The following THRB variants were observed in gnomAD, a reference collection of about 807,000 sequenced individuals.
THRB encodes the protein nuclear receptor subfamily 1 group A member 2.
Under a neutral mutation model 47.8 loss-of-function variants are expected in THRB, and 12 were observed. The observed-to-expected ratio is 0.25, with a 90% CI of 0.16 to 0.41. THRB has a LOEUF of 0.41. Ranked by LOEUF, THRB falls within the 10% of genes least tolerant of loss-of-function variation. The pLI is 1.00. For missense variants in THRB, 348 were observed against 589.2 expected (o/e 0.59, Z 4.24); for synonymous variants, 218 against 212.2 (o/e 1.03, Z -0.24).
chr3:24,142,467 G>T (rs2035578349), intron 8 of THRB, among the ~76,000 whole-genome samples: 1 of 152,166 alleles, frequency 6.6e-6, no homozygotes, highest in South Asian at 2.1e-4. Context: ...GTTGTTTTAA[G>T]AAAAAGATCC....
chr3:24,435,522 T>C lies in THRB; in HGVS notation c.-261+59130A>G, dbSNP rs534235598. ...CCCCCCAGGGCCCTGAGCATCCCCA[T>C]GTGGAGGTGAACACTTCCCCTCTCC... On this transcript the variant is annotated intron_variant, in intron 1 of 10. Coordinates refer to ENST00000646209, the MANE Select transcript of THRB (RefSeq NM_001354712.2). 6.1e-4 allele frequency among the ~76,000 whole-genome samples: 93 copies of C among 152,234 alleles called. 1 individual carries two copies. The highest frequency in any genetic ancestry group is 1.1e-3 in the Non-Finnish European group (78 of 68,008).
chr3:24,481,643 G>A (rs915525275), intron 1 of THRB, among the ~76,000 whole-genome samples: 2 of 152,078 alleles, frequency 1.3e-5, no homozygotes, highest in Middle Eastern at 3.2e-3. Flanking sequence ...GTGGACAAAG[G>A]GGTGAGGGAA....
chr3:24,318,600 G>A (rs1400237316), intron 2 of THRB: 1 of 152,204 alleles, frequency 6.6e-6, no homozygotes, highest in Non-Finnish European at 1.5e-5. Flanking sequence ...AAAAAAGAGG[G>A]GGACTGTGTC....
chr3:24,338,695 C>T (rs1295965416), intron 1 of THRB, among the ~76,000 whole-genome samples: 1 of 152,176 alleles, frequency 6.6e-6, no homozygotes, highest in Admixed American at 6.5e-5. Flanking sequence ...GAAGAAGCTG[C>T]CCTGTCTTGT....
chr3:24,434,836 G>A (rs1054015342), intron 1 of THRB, among the ~76,000 whole-genome samples: 1 of 152,172 alleles, frequency 6.6e-6, no homozygotes, highest in Admixed American at 6.6e-5. Context: ...GTCATGGGGA[G>A]GAAATAGACA....
chr3:24,346,543 C>G (rs1474164960), intron 1 of THRB, among the ~76,000 whole-genome samples: 1 of 151,706 alleles, frequency 6.6e-6, no homozygotes, highest in East Asian at 1.9e-4. Context: ...TTTTTTAAAT[C>G]CCAGTTAAAT....
intron 3 of THRB, among the ~76,000 whole-genome samples, chr3:24,269,277 C>CCACACACACACACACACA (rs4024153): frequency 2.1e-5 from 3 of 140,686 alleles, no homozygotes; most frequent in African/African-American, 8.1e-5. Flanking sequence ...AATGGATACA[C>CCACACACACACACACACA]CACACACACA....
intron 3 of THRB, among the ~76,000 whole-genome samples, chr3:24,288,474 C>T (rs1470117867): frequency 6.6e-6 from 1 of 152,138 alleles, no homozygotes; most frequent in African/African-American, 2.4e-5. Context: ...TATGTGACTG[C>T]TCTTTTTTTT....
At chr3:24,231,311 A>G (rs557780380) in intron 3 of THRB, among the ~76,000 whole-genome samples, 18 of 152,252 alleles carry the variant, frequency 1.2e-4, no homozygotes, top group Non-Finnish European at 2.1e-4. Context: ...AAATATCTTC[A>G]TTTTCAAAAT....
At chr3:24,200,156 A>G (rs2044422859) in intron 4 of THRB, among the ~76,000 whole-genome samples, 1 of 152,340 alleles carries the variant, frequency 6.6e-6, no homozygotes, top group Non-Finnish European at 1.5e-5. Context: ...CCACAAATGC[A>G]CATAAAAGGG....
intron 2 of THRB, among the ~76,000 whole-genome samples, chr3:24,335,684 A>G (rs1249939061): frequency 6.6e-6 from 1 of 152,146 alleles, no homozygotes; most frequent in Non-Finnish European, 1.5e-5. Flanking sequence ...GGTAATCACT[A>G]TTTTGATTCT....
chr3:24,238,031 T>C (rs184754246), intron 3 of THRB: 9 of 152,218 alleles, frequency 5.9e-5, no homozygotes, highest in Non-Finnish European at 4.4e-5. Flanking sequence ...TATAGTGCGG[T>C]TTCCTTATGG....
chr3:24,305,436 T>C (rs769895377), intron 2 of THRB, among the ~76,000 whole-genome samples: 2 of 152,148 alleles, frequency 1.3e-5, no homozygotes, highest in Non-Finnish European at 2.9e-5. Context: ...CCTCTAGCAA[T>C]AGAAGTTGCA....
intron 3 of THRB, among the ~76,000 whole-genome samples, chr3:24,269,488 C>T (rs2053092353): frequency 6.6e-6 from 1 of 151,672 alleles, no homozygotes; most frequent in Non-Finnish European, 1.5e-5. Context: ...GCAATGACAC[C>T]CATCATATCT....
At chr3:24,465,383 T>C (rs2074051993) in intron 1 of THRB, among the ~76,000 whole-genome samples, 1 of 152,164 alleles carries the variant, frequency 6.6e-6, no homozygotes, top group Non-Finnish European at 1.5e-5. Flanking sequence ...CAGGATGAGG[T>C]GAAGTGGGAA....
rs561483909 is a variant in THRB at position 24,359,018 on chromosome 3, T to G, written c.-260-21647A>C. Among the ~76,000 whole-genome samples the G allele has an allele frequency of 2.0e-5, 3 of 152,232 alleles. No homozygotes were observed. In the South Asian group the frequency reaches 6.2e-4, roughly 32 times the overall value. On this transcript the variant is annotated intron_variant, in intron 1 of 10. Transcript: ENST00000646209. The stretch of plus-strand genomic sequence containing the variant: ...TTATACTAAAACTAAAACAAAACCT[T>G]CTGTTCCAGTTATCTATTGCTGTGA...
chr3:24,168,619 T>C (rs2039998141), intron 5 of THRB, among the ~76,000 whole-genome samples: 3 of 151,616 alleles, frequency 2.0e-5, no homozygotes, highest in Admixed American at 6.6e-5. Context: ...GTAGCAACAT[T>C]TGAGAACCAC....
chr3:24,253,990 C>T (rs917201357), intron 3 of THRB, among the ~76,000 whole-genome samples: 24 of 148,842 alleles, frequency 1.6e-4, no homozygotes, highest in Non-Finnish European at 2.7e-4. Context: ...AAGCTGTTAT[C>T]ATTTTGAACT....
At chr3:24,390,329 C>T (rs1234131227) in intron 1 of THRB, among the ~76,000 whole-genome samples, 1 of 152,142 alleles carries the variant, frequency 6.6e-6, no homozygotes, top group Non-Finnish European at 1.5e-5. Flanking sequence ...TCGAACACTC[C>T]TATGCTTGCT....
Sources: gnomAD v4.1 joint callset for allele counts (sites outside exome capture counted in the v4.1 genomes callset) on GRCh38, gnomAD v4.1.1 for gene constraint, MANE v1.5 for transcripts, NCBI Gene and HGNC (gene_info 2026-07-23, HGNC 2026-07-21) for gene names.